Variants in SBF2 observed in about 807,000 individuals in gnomAD.
The protein encoded by SBF2 is SET binding factor 2.
SBF2 carries 112 observed loss-of-function variants against 225.2 expected under a neutral mutation model. That is an observed-to-expected ratio of 0.50 (90% CI 0.43 to 0.58). The LOEUF (loss-of-function observed/expected upper bound fraction) is 0.58, where lower values mean the gene tolerates loss of function less well. SBF2 is among the 20% of genes least tolerant of loss of function. SBF2 has a pLI of 0.00. For missense variants in SBF2, 1,996 were observed against 2,206.2 expected (o/e 0.90, Z 1.91); for synonymous variants, 763 against 773.3 (o/e 0.99, Z 0.22).
chr11:9,903,630 A>G (rs1375841817), intron 16 of SBF2, among the ~76,000 whole-genome samples: 1 of 152,336 alleles, frequency 6.6e-6, no homozygotes, highest in East Asian at 1.9e-4. Context: ...TAATGCTTGG[A>G]AGAGACCCAA....
At chr11:9,998,912 T>C (rs934531627) in intron 8 of SBF2, among the ~76,000 whole-genome samples, 1 of 152,224 alleles carries the variant, frequency 6.6e-6, no homozygotes, top group Non-Finnish European at 1.5e-5. Flanking sequence ...TTACTATATA[T>C]GCTGCTGCAG....
Position 9,913,989 on chromosome 11 carries a change from G to A in SBF2, c.1861-17978C>T, listed in dbSNP as rs543971091. 1.5e-4 allele frequency among the ~76,000 whole-genome samples: 23 copies of A among 152,258 alleles called. 1 individual carries two copies. Among genetic ancestry groups the A allele is most frequent in the Admixed American group, 5.2e-4 (8 of 15,282 alleles). On this transcript the variant is annotated intron_variant, in intron 16 of 39. Coordinates refer to ENST00000256190, the MANE Select transcript of SBF2 (RefSeq NM_030962.4). ...AGTGCTGCGATTACAGGCATTATGA[G>A]CCACCACACCAGGCCTTATAGCAGT...
At chr11:9,841,320 T>TA (rs1469814719) in intron 25 of SBF2, among the ~76,000 whole-genome samples, 3 of 152,026 alleles carry the variant, frequency 2.0e-5, no homozygotes, top group Non-Finnish European at 4.4e-5. Flanking sequence ...CCATGAAATA[T>TA]AAAAAAAATT....
chr11:10,234,852 AGT>A (rs917101396), intron 1 of SBF2, among the ~76,000 whole-genome samples: 6 of 152,220 alleles, frequency 3.9e-5, no homozygotes, highest in African/African-American at 1.4e-4. Context: ...AAAGAAAATC[AGT>A]GTGGTTATAG....
At chr11:10,100,369 G>A (rs1013415580) in intron 2 of SBF2, among the ~76,000 whole-genome samples, 2 of 152,222 alleles carry the variant, frequency 1.3e-5, no homozygotes, top group African/African-American at 4.8e-5. Context: ...CCTGCCTGTG[G>A]TTCAGTAGCC....
chr11:10,287,090 T>G (rs1963845563), intron 1 of SBF2, among the ~76,000 whole-genome samples: 1 of 152,062 alleles, frequency 6.6e-6, no homozygotes. Context: ...CATAGATAAA[T>G]CTCAACTGTA....
intron 2 of SBF2, among the ~76,000 whole-genome samples, chr11:10,186,936 TAAGATAAGGGA>T (rs1364610380): frequency 6.6e-6 from 1 of 152,192 alleles, no homozygotes; most frequent in East Asian, 1.9e-4. Flanking sequence ...CAAGGAAAAT[TAAGATAAGGGA>T]AACAATCTTT....
intron 2 of SBF2, among the ~76,000 whole-genome samples, chr11:10,062,900 G>A (rs1442942292): frequency 2.0e-5 from 3 of 152,132 alleles, no homozygotes; most frequent in Non-Finnish European, 4.4e-5. Context: ...AATGTTCACT[G>A]CAGCACTGTT....
rs941841202 is a variant in SBF2, at chr11:10,087,272, A to C, written c.142-44291T>G. Among the ~76,000 whole-genome samples, 7 of 152,238 alleles carry C rather than the reference A, an allele frequency of 4.6e-5. No homozygotes were observed. The South Asian group carries it at 1.4e-3, about 32-fold the overall frequency. On this transcript the variant is annotated intron_variant, in intron 2 of 39. Coordinates refer to ENST00000256190, the MANE Select transcript of SBF2 (RefSeq NM_030962.4). ...TTTCAATCTGAAGTTCCAAGGAAAC[A>C]CCCATTTTGCTATTATCCAGATACA... is the stretch of plus-strand genomic sequence containing the variant.
chr11:9,843,908 AT>A (rs1337988793), intron 24 of SBF2: 2 of 152,104 alleles, frequency 1.3e-5, no homozygotes, highest in African/African-American at 4.8e-5. Flanking sequence ...GATTTTTGAA[AT>A]TTTTTCCCAG....
Position 9,968,331 on chromosome 11 carries a change from A to G in SBF2, c.1600+10T>C. 6.2e-7 allele frequency: 1 copy of G among 1,612,706 alleles called. No homozygotes were observed. Among genetic ancestry groups the G allele is most frequent in the Non-Finnish European group, 8.5e-7 (1 of 1,178,840 alleles). On this transcript the variant is annotated intron_variant, in intron 14 of 39. Transcript: ENST00000256190. The stretch of plus-strand genomic sequence containing the variant: ...CAGTTTACTTTTAAAACAGACAGAC[A>G]AATACATACCAACAGGTGGACCTGC...
chr11:10,161,695 G>A (rs1401892829), intron 2 of SBF2, among the ~76,000 whole-genome samples: 1 of 152,002 alleles, frequency 6.6e-6, no homozygotes. Context: ...CTTTTTAAAA[G>A]GAGGAAGAGG....
chr11:10,044,328 C>G (rs774363203), intron 2 of SBF2, among the ~76,000 whole-genome samples: 1 of 151,288 alleles, frequency 6.6e-6, no homozygotes, highest in Non-Finnish European at 1.5e-5. Flanking sequence ...GCGGGAGACC[C>G]GCAAGAGGAG....
chr11:9,864,419 C>A (rs2134025520), intron 17 of SBF2, among the ~76,000 whole-genome samples: 1 of 148,168 alleles, frequency 6.7e-6, no homozygotes, highest in South Asian at 2.1e-4. Flanking sequence ...CATAGTCTCG[C>A]CTTGTGACCC....
At position 10,193,973 on chromosome 11, in the gene SBF2, G is replaced by A; in HGVS notation, c.70C>T (p.Leu24=). 1 of 1,609,738 alleles carries A rather than the reference G, an allele frequency of 6.2e-7. No homozygotes were observed. Among genetic ancestry groups the A allele is most frequent in the South Asian group, 1.1e-5 (1 of 90,990 alleles). The part of the protein sequence containing the change: ...DHEKPGSGEG[L]GKIIQRFPQK... ...GGAAATCTCTGGATTATTTTCCCCA[G>A]ACCTTCTCCTGATCCTGTTAATAAA... The change falls in exon 2 of 40, where the codon CTG becomes TTG. Residue 24 remains leucine (L), a synonymous_variant. Coordinates refer to ENST00000256190, the MANE Select transcript of SBF2 (RefSeq NM_030962.4).
Position 9,968,294 on chromosome 11 carries a change from C to T in SBF2, c.1600+47G>A, listed in dbSNP as rs777532307. On this transcript the variant is annotated intron_variant, in intron 14 of 39. Coordinates refer to ENST00000256190, the MANE Select transcript of SBF2 (RefSeq NM_030962.4). ...GCACACTTTTCCTTTTTGGGTCTTACATCCTTATAAACAGTTTACTTTTAA... is the reference window on the plus strand; with the variant it reads ...GCACACTTTTCCTTTTTGGGTCTTATATCCTTATAAACAGTTTACTTTTAA... The T allele has an allele frequency of 1.7e-5, 26 of 1,558,862 alleles. No homozygotes were observed. The Middle Eastern group carries it at 6.2e-4, about 37-fold the overall frequency.
intron 2 of SBF2, among the ~76,000 whole-genome samples, chr11:10,071,934 A>G (rs1436199413): frequency 2.0e-5 from 3 of 152,152 alleles, no homozygotes; most frequent in South Asian, 2.1e-4. Flanking sequence ...CAATACAGAA[A>G]TTTGTAGGGA....
intron 28 of SBF2, chr11:9,828,705 A>G (rs1855206851): frequency 4.6e-6 from 4 of 871,064 alleles, no homozygotes; most frequent in African/African-American, 1.8e-5. Context: ...ACTGAAAATC[A>G]TAATAGGCTG....
chr11:9,899,379 A>G (rs991829576), intron 16 of SBF2, among the ~76,000 whole-genome samples: 3 of 150,858 alleles, frequency 2.0e-5, no homozygotes, highest in African/African-American at 7.3e-5. Flanking sequence ...TGGTGCATGC[A>G]TGTAGTCCCA....
Sources: allele counts gnomAD v4.1 joint callset (sites outside exome capture counted in the v4.1 genomes callset), GRCh38; gene constraint gnomAD v4.1.1; transcripts MANE v1.5; gene names NCBI Gene and HGNC (gene_info 2026-07-23, HGNC 2026-07-21).